CORO2B: variants seen among roughly 807,000 people sequenced by gnomAD.
The protein encoded by CORO2B is coronin-2B.
In CORO2B, 26 loss-of-function variants were observed where a neutral mutation model predicts 58.8. The ratio of observed to expected loss-of-function variants is 0.44; its 90% CI spans 0.32 to 0.61. The LOEUF (loss-of-function observed/expected upper bound fraction) is 0.61, where lower values mean the gene tolerates loss of function less well. Among genes scored for constraint, CORO2B ranks in the 20% least tolerant of loss-of-function variants. The pLI is 0.04. For missense variants in CORO2B, 460 were observed against 645.1 expected (o/e 0.71, Z 3.11); for synonymous variants, 242 against 253.8 (o/e 0.95, Z 0.44).
chr15:68,684,637 G>A (rs1393248930), intron 2 of CORO2B, among the ~76,000 whole-genome samples: 1 of 152,220 alleles, frequency 6.6e-6, no homozygotes, highest in Non-Finnish European at 1.5e-5. Flanking sequence ...ACCCCCTCCC[G>A]CCCCTGCATA....
In CORO2B at chr15:68,600,821, G is replaced by A. The variant is rs914280341; in HGVS notation, c.15+21544G>A. Among the ~76,000 whole-genome samples, 4 of 152,200 alleles carry A rather than the reference G, an allele frequency of 2.6e-5. No individual in the cohort carries two copies. In the East Asian group the frequency reaches 5.8e-4, roughly 22 times the overall value. On this transcript the variant is annotated intron_variant, in intron 1 of 11. Coordinates refer to ENST00000261861, the MANE Select transcript of CORO2B (RefSeq NM_006091.5). ...CCTGGCCCTTGAGCCCCTCAGTCTG[G>A]TCCCCCACGGGGAGACAAGAAGCGT...
At chr15:68,604,610 G>A (rs1399145065) in intron 1 of CORO2B, among the ~76,000 whole-genome samples, 1 of 148,380 alleles carries the variant, frequency 6.7e-6, no homozygotes, top group African/African-American at 2.6e-5. Flanking sequence ...CTATGTATAA[G>A]TTGTGATTTA....
chr15:68,559,160 T>C, the CORO2B span, among the ~76,000 whole-genome samples: 1 of 152,082 alleles, frequency 6.6e-6, no homozygotes, highest in Non-Finnish European at 1.5e-5. This position sits in a 1 kb window ranked among gnomAD's most constrained non-coding sequence, Gnocchi z 4.3. Flanking sequence ...GGAGCAGACC[T>C]GACTCAGTGG....
the CORO2B span, among the ~76,000 whole-genome samples, chr15:68,542,749 T>A: frequency 3.9e-5 from 6 of 152,212 alleles, no homozygotes; most frequent in Non-Finnish European, 8.8e-5. Context: ...TGCTCACATT[T>A]TTATAGGTCA....
the CORO2B span, among the ~76,000 whole-genome samples, chr15:68,553,596 T>C: frequency 2.0e-5 from 3 of 152,232 alleles, no homozygotes; most frequent in African/African-American, 7.2e-5. Context: ...AGTAAGTTTG[T>C]GCTATTTTAA....
chr15:68,714,743 C>T, intron 7 of CORO2B, 80 bp downstream of exon 7: 1 of 1,089,420 alleles, frequency 9.2e-7, no homozygotes. Flanking sequence ...TGCCCCACCC[C>T]CTGGAGAGTA....
At chr15:68,671,606 G>C (rs1316777745) in intron 2 of CORO2B, among the ~76,000 whole-genome samples, 1 of 152,202 alleles carries the variant, frequency 6.6e-6, no homozygotes, top group African/African-American at 2.4e-5. Context: ...TCATCTGAAG[G>C]CTCGACTGGG....
At chr15:68,519,603 T>C in the CORO2B span, among the ~76,000 whole-genome samples, 3 of 152,254 alleles carry the variant, frequency 2.0e-5, no homozygotes, top group Non-Finnish European at 4.4e-5. Flanking sequence ...TTCATTAGTC[T>C]TTCCAACAAC....
intron 1 of CORO2B, among the ~76,000 whole-genome samples, chr15:68,642,559 C>T (rs1299450823): frequency 3.9e-5 from 6 of 152,320 alleles, no homozygotes; most frequent in East Asian, 1.9e-4. Flanking sequence ...GGGCCTGCCA[C>T]GAGGCCAGTT....
chr15:68,530,220 G>T, the CORO2B span, among the ~76,000 whole-genome samples: 2 of 152,188 alleles, frequency 1.3e-5, no homozygotes, highest in Non-Finnish European at 2.9e-5. Context: ...AGCTACGCGG[G>T]AGGCTGAGGC....
the CORO2B span, among the ~76,000 whole-genome samples, chr15:68,557,379 G>C: frequency 6.6e-6 from 1 of 152,148 alleles, no homozygotes; most frequent in Non-Finnish European, 1.5e-5. Flanking sequence ...GCAGAGCTGA[G>C]GTTCAGTGGC....
At chr15:68,593,825 C>T (rs1258832640) in intron 1 of CORO2B, among the ~76,000 whole-genome samples, 1 of 151,976 alleles carries the variant, frequency 6.6e-6, no homozygotes, top group Non-Finnish European at 1.5e-5. Context: ...GTGGGAAGGT[C>T]AAGGAAGGCT....
intron 2 of CORO2B, among the ~76,000 whole-genome samples, chr15:68,669,791 T>C (rs906313422): frequency 6.9e-6 from 1 of 143,922 alleles, no homozygotes; most frequent in Non-Finnish European, 1.6e-5. Flanking sequence ...GTGTGGTGGC[T>C]CATGCCTATA....
At chr15:68,634,006 A>G (rs1900946042) in intron 1 of CORO2B, among the ~76,000 whole-genome samples, 1 of 152,258 alleles carries the variant, frequency 6.6e-6, no homozygotes, top group African/African-American at 2.4e-5. Flanking sequence ...CGGTCAGGGC[A>G]TGTCACAGGC....
Position 68,627,798 on chromosome 15 carries a change from AG to A in CORO2B, c.16-17360del, listed in dbSNP as rs572516216. Among the ~76,000 whole-genome samples, 46 of 152,154 alleles carry A rather than the reference AG, an allele frequency of 3.0e-4. No individual in the cohort carries two copies. In the South Asian group the frequency reaches 9.4e-3, roughly 31 times the overall value. ...CTGCTTACCCCTGCCATAGACCCTC[AG>A]GCTTATGGGTACAGCCCCCTTCCTG... On this transcript the variant is annotated intron_variant, in intron 1 of 11. Transcript: ENST00000261861.
Position 68,726,123 on chromosome 15 carries a change from G to A in CORO2B, c.*149G>A. ...CCGCCTACCACCTCGAGAACTGGAA[G>A]CCAACCTCTAACCTCCTGACCTCAT... On this transcript the variant is annotated 3_prime_UTR_variant, in exon 12 of 12. Coordinates refer to ENST00000261861, the MANE Select transcript of CORO2B (RefSeq NM_006091.5). 1 of 1,022,192 alleles carries A rather than the reference G, an allele frequency of 9.8e-7. No individual in the cohort carries two copies. Among genetic ancestry groups the A allele is most frequent in the East Asian group, 2.7e-5 (1 of 37,502 alleles). 63.3% of individuals were successfully genotyped at this position (1,022,192 alleles called of 1,614,324 possible).
chr15:68,658,484 A>G (rs1445177781), intron 2 of CORO2B, among the ~76,000 whole-genome samples: 1 of 152,250 alleles, frequency 6.6e-6, no homozygotes, highest in Non-Finnish European at 1.5e-5. Context: ...GGGCTGGCCA[A>G]GAAAATGCAG....
At chr15:68,665,468 A>G (rs1902162643) in intron 2 of CORO2B, among the ~76,000 whole-genome samples, 1 of 151,502 alleles carries the variant, frequency 6.6e-6, no homozygotes, top group African/African-American at 2.4e-5. Context: ...TCTAGCTTAT[A>G]TATTTTAATA....
At chr15:68,633,442 G>A (rs8034347) in intron 1 of CORO2B, among the ~76,000 whole-genome samples, 11,587 of 151,648 alleles carry the variant, frequency 0.076, 534 homozygotes, top group South Asian at 0.17. Flanking sequence ...TTCTGCTCTA[G>A]TTTCTAGACC....
Sources: allele counts gnomAD v4.1 joint callset (sites outside exome capture counted in the v4.1 genomes callset), GRCh38; gene constraint gnomAD v4.1.1; non-coding constraint Gnocchi (gnomAD v3.1); transcripts MANE v1.5; gene names NCBI Gene and HGNC (gene_info 2026-07-23, HGNC 2026-07-21).